The following CYB5A variants were observed in gnomAD, a reference collection of about 807,000 sequenced individuals.
CYB5A encodes cytochrome b5.
In CYB5A, 10 loss-of-function variants were observed where a neutral mutation model predicts 16.2. That is an observed-to-expected ratio of 0.62 (90% CI 0.38 to 1.04). CYB5A has a LOEUF of 1.04. CYB5A is among the 50% of genes least tolerant of loss of function. The pLI, the probability that CYB5A is intolerant of heterozygous loss-of-function variation, is 0.01. For synonymous variants in CYB5A, 62 were observed against 57.0 expected (o/e 1.09, Z -0.40); for missense variants, 161 against 165.9 (o/e 0.97, Z 0.16).
intron 3 of CYB5A, chr18:74,260,202 T>C (rs1046860764): frequency 3.3e-5 from 5 of 152,346 alleles, no homozygotes; most frequent in Non-Finnish European, 7.3e-5. Flanking sequence ...AAATTATACT[T>C]TCTTTTTTGT....
chr18:74,282,938 C>T (rs1983175262), intron 1 of CYB5A, among the ~76,000 whole-genome samples: 1 of 152,098 alleles, frequency 6.6e-6, no homozygotes, highest in Non-Finnish European at 1.5e-5. Flanking sequence ...TTGTGTGCTT[C>T]TCCTAGAAAT....
intron 3 of CYB5A, 123 bp downstream of exon 3, chr18:74,260,792 A>G (rs745921946): frequency 2.4e-6 from 2 of 837,934 alleles, no homozygotes; most frequent in Non-Finnish European, 4.1e-6. Flanking sequence ...TAGGTTACAT[A>G]TTCATTTATC....
chr18:74,252,693 G>C lies in CYB5A; in HGVS notation c.*891C>G, dbSNP rs950311348. On this transcript the variant is annotated 3_prime_UTR_variant, in exon 5 of 5. Coordinates refer to ENST00000340533, the MANE Select transcript of CYB5A (RefSeq NM_148923.4). ...GTGAAGATAAGAAGTCTCTCTTATA[G>C]GCCCTGTAGGCTACTTTCTTTTTTT... The C allele has an allele frequency of 6.6e-6, 1 of 151,772 alleles. No homozygotes were observed. Among genetic ancestry groups the C allele is most frequent in the Non-Finnish European group, 1.5e-5 (1 of 68,042 alleles). The allele number at this position is 151,772 out of a possible 1,614,324, so 9.4% of individuals were successfully genotyped here. A position where few individuals can be genotyped will look rare whatever the true frequency, so the allele number is the denominator to read the frequency against.
intron 1 of CYB5A, among the ~76,000 whole-genome samples, chr18:74,286,711 T>G (rs1214526630): frequency 6.6e-6 from 1 of 152,218 alleles, no homozygotes; most frequent in Non-Finnish European, 1.5e-5. Context: ...ACAGGGTTGT[T>G]CAGACTCCAC....
chr18:74,276,468 C>T (rs1357252846), intron 1 of CYB5A, among the ~76,000 whole-genome samples: 2 of 151,514 alleles, frequency 1.3e-5, no homozygotes, highest in African/African-American at 4.9e-5. Flanking sequence ...GACTTCTAAA[C>T]CTCAAGAAAT....
intron 1 of CYB5A, 148 bp downstream of exon 1, chr18:74,291,599 C>T (rs1242772438): frequency 2.4e-6 from 3 of 1,247,978 alleles, no homozygotes; most frequent in Non-Finnish European, 3.4e-6. Context: ...GGAAGCGCGC[C>T]CAGGCGTACA....
chr18:74,258,418 T>C (rs759759539), intron 3 of CYB5A: 2 of 152,248 alleles, frequency 1.3e-5, no homozygotes, highest in Non-Finnish European at 2.9e-5. Flanking sequence ...GATTTCTAAG[T>C]CTACAAATAT....
At chr18:74,290,364 C>G (rs1309840888) in intron 1 of CYB5A, among the ~76,000 whole-genome samples, 1 of 152,140 alleles carries the variant, frequency 6.6e-6, no homozygotes, top group East Asian at 1.9e-4. Flanking sequence ...CCTGTCTCAG[C>G]CTCCCGAGTA....
chr18:74,276,661 CAA>C (rs917944663), intron 1 of CYB5A, among the ~76,000 whole-genome samples: 27 of 152,070 alleles, frequency 1.8e-4, no homozygotes, highest in African/African-American at 6.0e-4. Context: ...TGCAGCAGGT[CAA>C]AGTCATGCCT....
At chr18:74,286,353 TC>T (rs1263447424) in intron 1 of CYB5A, among the ~76,000 whole-genome samples, 1 of 152,248 alleles carries the variant, frequency 6.6e-6, no homozygotes, top group African/African-American at 2.4e-5. Context: ...CAATTATATT[TC>T]ATGTGAATAT....
At chr18:74,259,368 C>A (rs993174935) in intron 3 of CYB5A, 2 of 152,072 alleles carry the variant, frequency 1.3e-5, no homozygotes, top group Non-Finnish European at 2.9e-5. Context: ...TGCTCTGTTC[C>A]CAAAATATTC....
chr18:74,272,130 C>G (rs1471614070), intron 1 of CYB5A, among the ~76,000 whole-genome samples: 1 of 152,226 alleles, frequency 6.6e-6, no homozygotes, highest in African/African-American at 2.4e-5. Flanking sequence ...GTTGGACATG[C>G]TCACAGACAC....
rs772588015 is a variant in CYB5A at position 74,255,747 on chromosome 18, C to G, written c.317G>C (p.Ser106Thr). 7.4e-6 allele frequency: 12 copies of G among 1,612,494 alleles called. No individual in the cohort carries two copies. Among genetic ancestry groups the G allele is most frequent in the Non-Finnish European group, 9.3e-6 (11 of 1,178,676 alleles). ...AAAGAAAGCTACCACATACCTGGAA[C>G]TAGAATCAATAGTAGTGATAAGAGT... ...PETLITTIDS[S>T]SSWWTNWVIP... Residue 106 changes from serine to threonine, a missense_variant, in exon 4 of 5, where the codon AGT becomes ACT. By Grantham distance (58) the Ser-to-Thr change is moderately conservative. Transcript: ENST00000340533.
At chr18:74,281,789 A>G in intron 1 of CYB5A, among the ~76,000 whole-genome samples, 2 of 108,174 alleles carry the variant, frequency 1.8e-5, no homozygotes, top group African/African-American at 8.3e-5. Context: ...TTCAGGGGAG[A>G]AGGGAATATG....
intron 1 of CYB5A, among the ~76,000 whole-genome samples, 191 bp downstream of exon 1, chr18:74,291,556 C>T (rs1403260875): frequency 6.7e-6 from 1 of 149,932 alleles, no homozygotes; most frequent in Non-Finnish European, 1.5e-5. Context: ...CGGTGGGGGG[C>T]GCCCAGGCTT....
rs1431458120 is a variant in CYB5A at position 74,252,390 on chromosome 18, CAG to C, written c.*1192_*1193del. ...GCCCCTTAGAGCCCCCAGGAGGAGA[CAG>C]AGCCACACCAGAACTCTTCAGAGCT... On this transcript the variant is annotated 3_prime_UTR_variant, in exon 5 of 5. Transcript: ENST00000340533. 6.6e-6 allele frequency: 1 copy of C among 152,202 alleles called. No homozygotes were observed. Among genetic ancestry groups the C allele is most frequent in the Non-Finnish European group, 1.5e-5 (1 of 68,048 alleles). 9.4% of individuals were successfully genotyped at this position (152,202 alleles called of 1,614,324 possible).
At chr18:74,254,090 G>A (rs768626783) in intron 4 of CYB5A, among the ~76,000 whole-genome samples, 1 of 152,190 alleles carries the variant, frequency 6.6e-6, no homozygotes, top group African/African-American at 2.4e-5. Context: ...TGGGGCAGGA[G>A]AATCGCTTGA....
At chr18:74,281,769 ATG>A (rs1242319162) in intron 1 of CYB5A, among the ~76,000 whole-genome samples, 1 of 85,354 alleles carries the variant, frequency 1.2e-5, no homozygotes, top group Non-Finnish European at 2.2e-5. Context: ...GTGTGTGTGT[ATG>A]TGTGTGTTTC....
At chr18:74,258,766 C>T (rs1982085768) in intron 3 of CYB5A, 1 of 152,234 alleles carries the variant, frequency 6.6e-6, no homozygotes, top group Non-Finnish European at 1.5e-5. Context: ...TCTGCTCTCA[C>T]TGAAGCAAAG....
Sources: allele counts gnomAD v4.1 joint callset (sites outside exome capture counted in the v4.1 genomes callset), GRCh38; gene constraint gnomAD v4.1.1; transcripts MANE v1.5; gene names NCBI Gene and HGNC (gene_info 2026-07-23, HGNC 2026-07-21).